ATP9A: variants seen among roughly 807,000 people sequenced by gnomAD.
ATP9A encodes probable phospholipid-transporting ATPase IIA.
Under a neutral mutation model 144.1 loss-of-function variants are expected in ATP9A, and 52 were observed. The observed-to-expected ratio is 0.36, with a 90% CI of 0.29 to 0.45. The LOEUF is 0.45. Among genes scored for constraint, ATP9A ranks in the 20% least tolerant of loss-of-function variants. The pLI, the probability that ATP9A is intolerant of heterozygous loss-of-function variation, is 1.00. For synonymous variants in ATP9A, 582 were observed against 557.4 expected (o/e 1.04, Z -0.62); for missense variants, 947 against 1,392.7 (o/e 0.68, Z 5.09).
rs1214757137 is a variant in ATP9A, at chr20:51,618,668, C to T, written c.2344G>A (p.Ala782Thr). The T allele has an allele frequency of 2.5e-6, 4 of 1,611,742 alleles. No homozygotes were observed. The highest frequency in any genetic ancestry group is 3.4e-6 in the Non-Finnish European group (4 of 1,179,858). The part of the protein sequence containing the change: ...LQERTGKLTC[A>T]VGDGGNDVSM... ...CAGCCTGAGCCTCGCCTACCTACTG[C>T]ACAGGTGAGCTTGCCCGTGCGCTCC... is the stretch of plus-strand genomic sequence containing the variant. Residue 782 changes from alanine (A) to threonine (T), a missense_variant, in exon 21 of 28, where the codon GCA becomes ACA. Coordinates refer to ENST00000338821, the MANE Select transcript of ATP9A (RefSeq NM_006045.3).
At chr20:51,712,665 CG>C (rs2077644653) in intron 4 of ATP9A, among the ~76,000 whole-genome samples, 1 of 152,226 alleles carries the variant, frequency 6.6e-6, no homozygotes, top group Non-Finnish European at 1.5e-5. Flanking sequence ...GGCGGCAGAA[CG>C]GGAAAGGGAT....
intron 22 of ATP9A, 98 bp downstream of exon 22, chr20:51,617,390 CTT>C: frequency 1.1e-6 from 1 of 881,064 alleles, no homozygotes. Context: ...TTTTATCATT[CTT>C]TATCTGGAAT....
chr20:51,645,526 CAAAAACAAACAAACA>C (rs1285087869), intron 14 of ATP9A, among the ~76,000 whole-genome samples: 2 of 121,154 alleles, frequency 1.7e-5, no homozygotes, highest in Non-Finnish European at 3.8e-5. Flanking sequence ...AACAAACAAA[CAAAAACAAACAAACA>C]AAAAAAAAAC....
At chr20:51,642,120 C>T (rs76013967) in intron 14 of ATP9A, among the ~76,000 whole-genome samples, 8,214 of 152,026 alleles carry the variant, frequency 0.054, 243 homozygotes, top group African/African-American at 0.078. Flanking sequence ...TGTTGCTGTA[C>T]CAAATTACTG....
chr20:51,751,317 T>A (rs2077831164), intron 1 of ATP9A, among the ~76,000 whole-genome samples: 1 of 147,228 alleles, frequency 6.8e-6, no homozygotes, highest in Non-Finnish European at 1.5e-5. Flanking sequence ...TGGAGTGCAG[T>A]GACGCGATCA....
At chr20:51,742,527 CTTTT>C (rs2077789483) in intron 1 of ATP9A, among the ~76,000 whole-genome samples, 1 of 150,040 alleles carries the variant, frequency 6.7e-6, no homozygotes, top group Non-Finnish European at 1.5e-5. Flanking sequence ...TTTTTTTTTT[CTTTT>C]TTTGAGACGC....
At chr20:51,677,593 C>G (rs369591385) in intron 9 of ATP9A, among the ~76,000 whole-genome samples, 1 of 152,288 alleles carries the variant, frequency 6.6e-6, no homozygotes, top group South Asian at 2.1e-4. Context: ...TTCCTACCTT[C>G]ATTAACTATT....
intron 8 of ATP9A, among the ~76,000 whole-genome samples, chr20:51,690,043 C>G (rs1005190258): frequency 7.4e-6 from 1 of 135,974 alleles, no homozygotes; most frequent in African/African-American, 2.8e-5. Flanking sequence ...ACCCGGGAGG[C>G]AGAGGTTCCA....
At chr20:51,700,134 A>G (rs1409514250) in intron 4 of ATP9A, among the ~76,000 whole-genome samples, 1 of 152,194 alleles carries the variant, frequency 6.6e-6, no homozygotes, top group East Asian at 1.9e-4. Context: ...CTGGCCTGCT[A>G]GAGAGAGATC....
chr20:51,661,526 C>CTTTTT (rs533280164), intron 13 of ATP9A, among the ~76,000 whole-genome samples: 11 of 108,728 alleles, frequency 1.0e-4, no homozygotes, highest in African/African-American at 1.5e-4. Flanking sequence ...CCATGCCCAG[C>CTTTTT]TTTTTTTTTT....
Position 51,674,280 on chromosome 20 carries a change from T to C in ATP9A, c.910A>G (p.Thr304Ala), listed in dbSNP as rs763354098. ...ACCAGGGCACCAAAGAGGATCTTGG[T>C]GAGGCAGTTCACTTCCAAGTCGAAC... ...GLFDLEVNCL[T>A]KILFGALVVV... is the part of the protein sequence containing the mutation. Residue 304 changes from threonine to alanine, a missense_variant, in exon 11 of 28, where the codon ACC becomes GCC. Physicochemically the swap from Thr to Ala is moderately conservative, Grantham distance 58. Around this residue, in one of 2 missense-constraint regions of ATP9A, gnomAD observed 770 missense variants for 1,047.9 expected, o/e 0.73. Transcript: ENST00000338821. The C allele has an allele frequency of 5.6e-6, 9 of 1,613,308 alleles. No individual in the cohort carries two copies. Among genetic ancestry groups the C allele is most frequent in the African/African-American group, 1.3e-5 (1 of 74,736 alleles).
At chr20:51,662,944 C>G (rs1054949625) in intron 13 of ATP9A, among the ~76,000 whole-genome samples, 1 of 151,894 alleles carries the variant, frequency 6.6e-6, no homozygotes, top group African/African-American at 2.4e-5. Context: ...GTGGCAGGCA[C>G]CTGTAATCCC....
At position 51,600,932 on chromosome 20, in the gene ATP9A, T is replaced by C; in HGVS notation, c.*279A>G. On this transcript the variant is annotated 3_prime_UTR_variant, in exon 28 of 28. Coordinates refer to ENST00000338821, the MANE Select transcript of ATP9A (RefSeq NM_006045.3). Reference sequence around the variant, plus strand: ...ATAAGGAAGCTCGCACAGTGACCCATATAAATCTCCCAGCTGAGCCACCAG... The same window carrying C: ...ATAAGGAAGCTCGCACAGTGACCCACATAAATCTCCCAGCTGAGCCACCAG... The C allele has an allele frequency of 6.9e-6, 2 of 288,692 alleles. No individual in the cohort carries two copies. The highest frequency in any genetic ancestry group is 2.2e-5 in the African/African-American group (1 of 46,452). 17.9% of individuals were successfully genotyped at this position (288,692 alleles called of 1,614,324 possible).
intron 22 of ATP9A, 146 bp downstream of exon 22, chr20:51,617,344 G>T: frequency 1.2e-6 from 1 of 833,282 alleles, no homozygotes; most frequent in Non-Finnish European, 1.9e-6. Context: ...TATCTTCCCA[G>T]TGACACAAGG....
At chr20:51,629,826 C>T (rs1488719535) in intron 15 of ATP9A, among the ~76,000 whole-genome samples, 3 of 152,194 alleles carry the variant, frequency 2.0e-5, no homozygotes, top group Non-Finnish European at 4.4e-5. Flanking sequence ...CAAGCTACTC[C>T]TCTTCCCTAA....
chr20:51,678,754 G>A (rs1415708756), intron 9 of ATP9A, among the ~76,000 whole-genome samples: 1 of 152,212 alleles, frequency 6.6e-6, no homozygotes, highest in Non-Finnish European at 1.5e-5. Flanking sequence ...GAGGGCCCCA[G>A]TAACAAGGGG....
At chr20:51,649,265 A>G (rs1461872793) in intron 14 of ATP9A, among the ~76,000 whole-genome samples, 1 of 152,040 alleles carries the variant, frequency 6.6e-6, no homozygotes, top group Non-Finnish European at 1.5e-5. Context: ...TTTACAAAGC[A>G]CTTTCAAGCC....
intron 18 of ATP9A, among the ~76,000 whole-genome samples, chr20:51,622,846 C>A (rs544818043): frequency 6.6e-6 from 1 of 152,250 alleles, no homozygotes; most frequent in African/African-American, 2.4e-5. Context: ...GTTCTCTTTG[C>A]TCCCAGCTGG....
chr20:51,612,839 G>A (rs572735318), intron 23 of ATP9A, among the ~76,000 whole-genome samples: 3 of 152,244 alleles, frequency 2.0e-5, no homozygotes, highest in East Asian at 3.9e-4. Context: ...AAGGGTATTC[G>A]TGATCATAAT....
Sources: allele counts gnomAD v4.1 joint callset (sites outside exome capture counted in the v4.1 genomes callset), GRCh38; gene constraint gnomAD v4.1.1; regional missense constraint gnomAD v4.1.1; transcripts MANE v1.5; gene names NCBI Gene and HGNC (gene_info 2026-07-23, HGNC 2026-07-21).